Variants in IGFBP7 observed in about 807,000 individuals in gnomAD.
The protein encoded by IGFBP7 is insulin-like growth factor-binding protein 7.
IGFBP7 carries 31 observed loss-of-function variants against 29.4 expected under a neutral mutation model. The observed-to-expected ratio is 1.05, with a 90% CI of 0.79 to 1.42. The LOEUF is 1.42. Among genes scored for constraint, IGFBP7 ranks in the 40% most tolerant of loss-of-function variants. The probability of loss-of-function intolerance (pLI) is 0.00; values close to 1 mark genes in which losing one functional copy is unlikely to be tolerated. For missense variants in IGFBP7, 393 were observed against 395.5 expected (o/e 0.99, Z 0.05); for synonymous variants, 172 against 174.9 (o/e 0.98, Z 0.13).
intron 2 of IGFBP7, among the ~76,000 whole-genome samples, chr4:57,038,912 CAA>C (rs1013666600): frequency 1.3e-5 from 2 of 151,824 alleles, no homozygotes; most frequent in African/African-American, 4.8e-5. Flanking sequence ...ACTGAAAATA[CAA>C]AGTTAGCCAG....
intron 1 of IGFBP7, among the ~76,000 whole-genome samples, chr4:57,060,911 AG>A (rs1043206334): frequency 3.3e-5 from 5 of 150,698 alleles, no homozygotes; most frequent in Non-Finnish European, 5.9e-5. Flanking sequence ...GGGGCAAAAA[AG>A]TTTTTTTTCC....
intron 2 of IGFBP7, among the ~76,000 whole-genome samples, chr4:57,036,312 G>A (rs1218384875): frequency 8.5e-5 from 13 of 152,098 alleles, no homozygotes; most frequent in Admixed American, 2.6e-4. Context: ...GGAGGAGGTG[G>A]GGGGAGATTC....
At chr4:57,055,323 C>T (rs1003606044) in intron 1 of IGFBP7, among the ~76,000 whole-genome samples, 7 of 152,084 alleles carry the variant, frequency 4.6e-5, no homozygotes, top group Admixed American at 2.0e-4. Flanking sequence ...CTGGTCTGGG[C>T]GTGGAGTCTG....
chr4:57,044,681 T>C (rs999262171), intron 1 of IGFBP7, among the ~76,000 whole-genome samples: 2 of 150,666 alleles, frequency 1.3e-5, no homozygotes, highest in African/African-American at 2.4e-5. Context: ...TATGTGTGCG[T>C]CTATTTCTGG....
At chr4:57,099,705 G>A (rs188690168) in intron 1 of IGFBP7, among the ~76,000 whole-genome samples, 53 of 152,278 alleles carry the variant, frequency 3.5e-4, no homozygotes, top group Non-Finnish European at 6.2e-4. Context: ...AAGAACCTCT[G>A]GATTGCAACT....
rs139423471 is a variant in IGFBP7 at position 57,062,281 on chromosome 4, A to G, written c.476-21348T>C. Among the ~76,000 whole-genome samples the G allele has an allele frequency of 1.5e-3, 236 of 152,304 alleles. 2 individuals carry two copies. The highest frequency in any genetic ancestry group is 5.4e-3 in the African/African-American group (226 of 41,560). The stretch of plus-strand genomic sequence containing the variant: ...TCTTAAGAACTGTAGGCCAAACTAG[A>G]TTACAGAGGTTTTCAATGTCAAGCC... On this transcript the variant is annotated intron_variant, in intron 1 of 4. Transcript: ENST00000295666.
chr4:57,087,713 T>TA (rs1323035808), intron 1 of IGFBP7, among the ~76,000 whole-genome samples: 8 of 152,242 alleles, frequency 5.3e-5, no homozygotes, highest in African/African-American at 1.7e-4. Context: ...GCCTAACAGT[T>TA]ACAAAGGCTT....
chr4:57,071,795 T>C (rs948611756), intron 1 of IGFBP7, among the ~76,000 whole-genome samples: 1 of 152,156 alleles, frequency 6.6e-6, no homozygotes, highest in Non-Finnish European at 1.5e-5. Context: ...GAACAGCTTT[T>C]TCTCTGAGGA....
intron 1 of IGFBP7, among the ~76,000 whole-genome samples, chr4:57,050,017 T>C (rs1724464191): frequency 6.6e-6 from 1 of 152,162 alleles, no homozygotes; most frequent in African/African-American, 2.4e-5. Context: ...CACTTGACTT[T>C]CTCTTGCCAT....
intron 1 of IGFBP7, among the ~76,000 whole-genome samples, chr4:57,049,185 C>T (rs1314468242): frequency 6.7e-6 from 1 of 150,000 alleles, no homozygotes; most frequent in African/African-American, 2.5e-5. Context: ...ACCCAGTTAG[C>T]CAATTTTTTT....
At position 57,079,364 on chromosome 4, in the gene IGFBP7, G is replaced by A. The variant is rs532918840; in HGVS notation, c.475+30513C>T. On this transcript the variant is annotated intron_variant, in intron 1 of 4. Coordinates refer to ENST00000295666, the MANE Select transcript of IGFBP7 (RefSeq NM_001553.3). ...ACCTTTCAACACTGCTGGCTGAGAC[G>A]CAAATAGAACCATTTCAGTTTTCCA... Among the ~76,000 whole-genome samples the A allele has an allele frequency of 3.0e-4, 45 of 151,928 alleles. 1 individual carries two copies. Among genetic ancestry groups the A allele is most frequent in the South Asian group, 2.9e-3 (14 of 4,804 alleles).
intron 1 of IGFBP7, among the ~76,000 whole-genome samples, chr4:57,061,790 A>G (rs993424731): frequency 2.0e-5 from 3 of 152,210 alleles, no homozygotes; most frequent in African/African-American, 7.2e-5. Context: ...TACATTAATA[A>G]TGGGCTTTAC....
At position 57,054,053 on chromosome 4, in the gene IGFBP7, G is replaced by T. The variant is rs150853198; in HGVS notation, c.476-13120C>A. 2.3e-4 allele frequency among the ~76,000 whole-genome samples: 35 copies of T among 152,070 alleles called. 1 individual carries two copies. In the East Asian group the frequency reaches 6.8e-3, roughly 30 times the overall value. On this transcript the variant is annotated intron_variant, in intron 1 of 4. Transcript: ENST00000295666. ...GATGAGATCTTGTTACATTGCCCAG[G>T]TTGGTCTTGGACTCCCAGGAGTCCA...
At chr4:57,054,891 C>T (rs6839633) in intron 1 of IGFBP7, among the ~76,000 whole-genome samples, 149,549 of 152,222 alleles carry the variant, frequency 0.98, 73,508 homozygotes, top group East Asian at 1. Flanking sequence ...CTTGGGTCTT[C>T]AGTAGAAGAC....
At chr4:57,048,011 G>A (rs1724403598) in intron 1 of IGFBP7, among the ~76,000 whole-genome samples, 2 of 152,068 alleles carry the variant, frequency 1.3e-5, no homozygotes, top group Admixed American at 1.3e-4. Context: ...TGGGATTATA[G>A]GTGTAAGTCA....
At chr4:57,060,016 C>T (rs902627669) in intron 1 of IGFBP7, among the ~76,000 whole-genome samples, 2 of 152,286 alleles carry the variant, frequency 1.3e-5, no homozygotes, top group East Asian at 3.9e-4. Flanking sequence ...CCATCATGAA[C>T]TAAGTGATGT....
At chr4:57,054,011 T>C (rs768758445) in intron 1 of IGFBP7, among the ~76,000 whole-genome samples, 3 of 152,048 alleles carry the variant, frequency 2.0e-5, no homozygotes, top group Non-Finnish European at 2.9e-5. Context: ...CTAGGAAATT[T>C]CTCCTTCTTT....
At chr4:57,077,898 G>A (rs1341122254) in intron 1 of IGFBP7, among the ~76,000 whole-genome samples, 2 of 152,142 alleles carry the variant, frequency 1.3e-5, no homozygotes, top group South Asian at 2.1e-4. Context: ...TGATGCAGGC[G>A]CAGGGCTTCC....
At chr4:57,050,009 C>T (rs1011920987) in intron 1 of IGFBP7, among the ~76,000 whole-genome samples, 2 of 152,026 alleles carry the variant, frequency 1.3e-5, no homozygotes, top group Admixed American at 6.6e-5. Flanking sequence ...TAATCTTTCA[C>T]TTGACTTTCT....
Sources: gnomAD v4.1 joint callset for allele counts (sites outside exome capture counted in the v4.1 genomes callset) on GRCh38, gnomAD v4.1.1 for gene constraint, MANE v1.5 for transcripts, NCBI Gene and HGNC (gene_info 2026-07-23, HGNC 2026-07-21) for gene names.